The following TRPM3 variants were observed in gnomAD, a reference collection of about 807,000 sequenced individuals.
The protein encoded by TRPM3 is transient receptor potential cation channel subfamily M member 3.
In TRPM3, 77 loss-of-function variants were observed where a neutral mutation model predicts 181.2. The observed-to-expected ratio is 0.42, with a 90% CI of 0.35 to 0.51. The LOEUF is 0.51. Among genes scored for constraint, TRPM3 ranks in the 20% least tolerant of loss-of-function variants. The pLI is 0.01. For missense variants in TRPM3, 1,759 were observed against 2,196.7 expected (o/e 0.80, Z 3.98); for synonymous variants, 745 against 796.4 (o/e 0.94, Z 1.09).
At chr9:70,537,505 A>G in intron 25 of TRPM3, 100 bp from the exon 26 acceptor site, 1 of 1,089,180 alleles carries the variant, frequency 9.2e-7, no homozygotes, top group Non-Finnish European at 1.2e-6. Context: ...TGACCTTGGT[A>G]CCTTCAATGG....
chr9:71,049,359 T>C (rs553980511), intron 1 of TRPM3, among the ~76,000 whole-genome samples: 2 of 152,244 alleles, frequency 1.3e-5, no homozygotes, highest in South Asian at 2.1e-4. Flanking sequence ...CTCTCCAAAA[T>C]ATATGGTATG....
chr9:70,883,368 C>A (rs557712083), intron 1 of TRPM3, among the ~76,000 whole-genome samples: 1 of 152,296 alleles, frequency 6.6e-6, no homozygotes, highest in South Asian at 2.1e-4. Flanking sequence ...TTAATGCTGA[C>A]AGGTCTTGAG....
chr9:70,965,378 CA>C, intron 1 of TRPM3, among the ~76,000 whole-genome samples: 1 of 152,010 alleles, frequency 6.6e-6, no homozygotes, highest in East Asian at 1.9e-4. Context: ...CCTTTTTGAA[CA>C]AAAATGATTT....
chr9:70,688,675 G>A (rs902145096), intron 8 of TRPM3, among the ~76,000 whole-genome samples: 28 of 152,138 alleles, frequency 1.8e-4, no homozygotes, highest in Admixed American at 5.9e-4. Flanking sequence ...GATCCTTTAC[G>A]TTGTTTCTAG....
intron 1 of TRPM3, among the ~76,000 whole-genome samples, chr9:71,352,107 C>A (rs532924257): frequency 6.6e-6 from 1 of 152,150 alleles, no homozygotes; most frequent in Non-Finnish European, 1.5e-5. Context: ...GATCTCCTGA[C>A]TTCGTGATCC....
intron 6 of TRPM3, chr9:70,826,255 T>A (rs1717209597): frequency 6.6e-6 from 1 of 152,224 alleles, no homozygotes; most frequent in African/African-American, 2.4e-5. Context: ...GTAATGGAAC[T>A]CAATTTTAGT....
chr9:71,078,416 T>C (rs1167219161), intron 1 of TRPM3, among the ~76,000 whole-genome samples: 2 of 152,190 alleles, frequency 1.3e-5, no homozygotes, highest in East Asian at 1.9e-4. Flanking sequence ...ATGAAAGGAA[T>C]TTTTAATAGT....
chr9:71,055,623 T>A (rs1452032052), intron 1 of TRPM3, among the ~76,000 whole-genome samples: 1 of 151,966 alleles, frequency 6.6e-6, no homozygotes, highest in Non-Finnish European at 1.5e-5. Context: ...TATTATAGAA[T>A]CTCCAGCCTT....
At chr9:70,930,565 A>C (rs1427654039) in intron 1 of TRPM3, among the ~76,000 whole-genome samples, 1 of 152,178 alleles carries the variant, frequency 6.6e-6, no homozygotes, top group Non-Finnish European at 1.5e-5. Context: ...GGCTCACAAT[A>C]AGTAAAATGT....
At chr9:70,821,851 C>G (rs1360267872) in intron 6 of TRPM3, among the ~76,000 whole-genome samples, 1 of 152,134 alleles carries the variant, frequency 6.6e-6, no homozygotes, top group African/African-American at 2.4e-5. Flanking sequence ...CAGATTGATG[C>G]CTATTCTACC....
intron 1 of TRPM3, among the ~76,000 whole-genome samples, chr9:71,101,442 G>C (rs148138012): frequency 2.0e-5 from 3 of 152,114 alleles, no homozygotes; most frequent in Non-Finnish European, 4.4e-5. Context: ...TCTAATGACC[G>C]AAGGGAAGGC....
intron 1 of TRPM3, among the ~76,000 whole-genome samples, chr9:71,421,986 GT>G (rs1384231989): frequency 6.6e-6 from 1 of 151,806 alleles, no homozygotes; most frequent in Non-Finnish European, 1.5e-5. Flanking sequence ...TCTCAAAAAT[GT>G]TGTTTTTTTT....
intron 1 of TRPM3, among the ~76,000 whole-genome samples, chr9:71,197,631 G>A (rs2078472995): frequency 6.6e-6 from 1 of 152,064 alleles, no homozygotes; most frequent in South Asian, 2.1e-4. Context: ...GTGATGGTGA[G>A]CATTTTTTCA....
intron 1 of TRPM3, among the ~76,000 whole-genome samples, chr9:71,415,043 C>A (rs2093615649): frequency 6.6e-6 from 1 of 152,076 alleles, no homozygotes; most frequent in East Asian, 1.9e-4. Context: ...CCTGGATTAT[C>A]TGAGTGGGCT....
intron 1 of TRPM3, among the ~76,000 whole-genome samples, chr9:71,105,089 A>T (rs891504612): frequency 6.6e-5 from 10 of 152,246 alleles, no homozygotes; most frequent in African/African-American, 2.4e-4. Flanking sequence ...TACTAACAGG[A>T]AAAAAGATAA....
chr9:70,660,152 A>G (rs1223303793), intron 9 of TRPM3, among the ~76,000 whole-genome samples: 1 of 152,152 alleles, frequency 6.6e-6, no homozygotes, highest in Non-Finnish European at 1.5e-5. Flanking sequence ...CTTTCTCCAA[A>G]AGATTTTAAA....
chr9:71,272,351 A>G (rs906180703), intron 1 of TRPM3, among the ~76,000 whole-genome samples: 1 of 152,194 alleles, frequency 6.6e-6, no homozygotes, highest in Non-Finnish European at 1.5e-5. Context: ...CTTATATATT[A>G]ACATAAAAAT....
chr9:70,585,811 A>C (rs1015371766), intron 22 of TRPM3, among the ~76,000 whole-genome samples: 1 of 151,838 alleles, frequency 6.6e-6, no homozygotes, highest in Admixed American at 6.6e-5. Flanking sequence ...GACTTTCCAC[A>C]TTTTTGCTTG....
At chr9:71,314,173 C>A (rs1205827186) in intron 1 of TRPM3, among the ~76,000 whole-genome samples, 1 of 152,032 alleles carries the variant, frequency 6.6e-6, no homozygotes, top group Admixed American at 6.6e-5. Context: ...ATTTCAAACA[C>A]TTTTTACAGG....
Sources: allele counts gnomAD v4.1 joint callset (sites outside exome capture counted in the v4.1 genomes callset), GRCh38; gene constraint gnomAD v4.1.1; transcripts MANE v1.5; gene names NCBI Gene and HGNC (gene_info 2026-07-23, HGNC 2026-07-21).